The following CFDP1 variants were observed in gnomAD, a reference collection of about 807,000 sequenced individuals.
CFDP1 encodes the protein chromatin remodeling protein CFDP1.
Under a neutral mutation model 40.1 loss-of-function variants are expected in CFDP1, and 31 were observed. The observed-to-expected ratio is 0.77, with a 90% CI of 0.58 to 1.04. CFDP1 has a LOEUF of 1.04. Ranked by LOEUF, CFDP1 falls within the 50% of genes least tolerant of loss-of-function variation. The probability of loss-of-function intolerance (pLI) is 0.00; values close to 1 mark genes in which losing one functional copy is unlikely to be tolerated. For missense variants in CFDP1, 423 were observed against 343.4 expected, an observed-to-expected ratio of 1.23 and a Z score of -1.83; for synonymous variants, 167 against 120.0, an observed-to-expected ratio of 1.39 and a Z score of -2.56.
intron 5 of CFDP1, among the ~76,000 whole-genome samples, chr16:75,335,302 ATAACTT>A (rs2078478872): frequency 6.6e-6 from 1 of 152,200 alleles, no homozygotes; most frequent in African/African-American, 2.4e-5. Context: ...AGGGGGAAAA[ATAACTT>A]AAACCTTTAT....
intron 5 of CFDP1, among the ~76,000 whole-genome samples, chr16:75,370,697 T>C (rs1282924101): frequency 2.6e-5 from 4 of 152,002 alleles, no homozygotes; most frequent in Non-Finnish European, 5.9e-5. Context: ...ACCCCGTCTC[T>C]ACTAAACATA....
At chr16:75,370,788 G>A (rs1226648817) in intron 5 of CFDP1, among the ~76,000 whole-genome samples, 2 of 152,152 alleles carry the variant, frequency 1.3e-5, no homozygotes, top group Admixed American at 1.3e-4. Context: ...CTTGAACCCA[G>A]CAGGCAGAGG....
intron 5 of CFDP1, 104 bp downstream of exon 5, chr16:75,394,981 TAATTC>T (rs2078984028): frequency 5.2e-6 from 7 of 1,339,836 alleles, no homozygotes; most frequent in Non-Finnish European, 6.2e-6. Context: ...AGCAGCATCA[TAATTC>T]TCTCTCTCAG....
At chr16:75,350,633 A>T (rs537005312) in intron 5 of CFDP1, among the ~76,000 whole-genome samples, 37 of 152,344 alleles carry the variant, frequency 2.4e-4, no homozygotes, top group African/African-American at 8.9e-4. Flanking sequence ...ACATATAAGC[A>T]TAAGACTATT....
At chr16:75,312,712 G>A (rs1333817365) in intron 5 of CFDP1, among the ~76,000 whole-genome samples, 2 of 152,230 alleles carry the variant, frequency 1.3e-5, no homozygotes, top group Non-Finnish European at 2.9e-5. Flanking sequence ...GGTGTGTTTT[G>A]CCCTGTTCTG....
In CFDP1 at chr16:75,433,278, G is replaced by A. The variant is rs796666732; in HGVS notation, c.64+11C>T. The A allele has an allele frequency of 6.3e-7, 1 of 1,594,498 alleles. No homozygotes were observed. The highest frequency in any genetic ancestry group is 8.5e-7 in the Non-Finnish European group (1 of 1,172,596). On this transcript the variant is annotated intron_variant, in intron 1 of 6. Coordinates refer to ENST00000283882, the MANE Select transcript of CFDP1 (RefSeq NM_006324.3). ...GGCAATTCGCTTCTCGCCTCAGGCG[G>A]AATCGCTCACCCGACGGCACGTAGT...
chr16:75,426,126 G>A (rs1418384333), intron 1 of CFDP1, among the ~76,000 whole-genome samples: 1 of 149,152 alleles, frequency 6.7e-6, no homozygotes, highest in Non-Finnish European at 1.5e-5. Flanking sequence ...CGAGGTGGGC[G>A]GATCACCTGA....
At chr16:75,423,206 G>A (rs551928602) in intron 1 of CFDP1, among the ~76,000 whole-genome samples, 2 of 150,004 alleles carry the variant, frequency 1.3e-5, no homozygotes, top group East Asian at 2.0e-4. Flanking sequence ...GCGTGAACCC[G>A]GGAGGCAGGG....
intron 5 of CFDP1, among the ~76,000 whole-genome samples, chr16:75,371,175 A>C (rs1164641150): frequency 6.6e-6 from 1 of 152,336 alleles, no homozygotes. Context: ...TTTGTACCGC[A>C]GGATGTTTAG....
At chr16:75,414,720 A>G (rs1036135717) in intron 1 of CFDP1, 25 bp from the exon 2 acceptor site, 3 of 1,446,052 alleles carry the variant, frequency 2.1e-6, no homozygotes, top group East Asian at 4.5e-5. Flanking sequence ...CAGGGTGATC[A>G]GACAGGAATA....
chr16:75,390,546 G>T (rs1471959446), intron 5 of CFDP1, among the ~76,000 whole-genome samples: 2 of 152,118 alleles, frequency 1.3e-5, no homozygotes, highest in Non-Finnish European at 1.5e-5. Context: ...GCTGTATTCG[G>T]AGTTGAGCAC....
At chr16:75,340,233 C>T (rs973213456) in intron 5 of CFDP1, among the ~76,000 whole-genome samples, 5 of 152,186 alleles carry the variant, frequency 3.3e-5, no homozygotes, top group African/African-American at 1.2e-4. Flanking sequence ...GTATCGACAA[C>T]AACCCTGGAG....
chr16:75,341,329 C>A (rs2078525207), intron 5 of CFDP1, among the ~76,000 whole-genome samples: 1 of 152,164 alleles, frequency 6.6e-6, no homozygotes, highest in South Asian at 2.1e-4. Flanking sequence ...ACCTACTATT[C>A]CTAGTCCACA....
At chr16:75,300,378 C>T (rs1597316812) in intron 6 of CFDP1, among the ~76,000 whole-genome samples, 1 of 152,234 alleles carries the variant, frequency 6.6e-6, no homozygotes. Context: ...ACCTCCGCCT[C>T]CCGGGTTCAA....
intron 5 of CFDP1, among the ~76,000 whole-genome samples, chr16:75,388,814 T>C (rs1450253219): frequency 2.6e-5 from 4 of 152,192 alleles, no homozygotes; most frequent in African/African-American, 9.7e-5. Flanking sequence ...TCTGAGTCTT[T>C]TATCTTCAGG....
chr16:75,319,840 G>A (rs910427464), intron 5 of CFDP1, among the ~76,000 whole-genome samples: 7 of 152,178 alleles, frequency 4.6e-5, no homozygotes, highest in African/African-American at 1.7e-4. Flanking sequence ...GGTTACTTAA[G>A]CATGAGCCCT....
chr16:75,425,246 G>T (rs780665760), intron 1 of CFDP1, among the ~76,000 whole-genome samples: 1 of 151,950 alleles, frequency 6.6e-6, no homozygotes, highest in Admixed American at 6.6e-5. Context: ...TGGTGGCCAG[G>T]CCTGGTGGCA....
intron 2 of CFDP1, among the ~76,000 whole-genome samples, chr16:75,413,337 G>A (rs1467934738): frequency 2.6e-5 from 4 of 152,076 alleles, no homozygotes; most frequent in South Asian, 4.1e-4. Flanking sequence ...GGGAGGCCAA[G>A]GCCCACACAG....
chr16:75,385,529 T>C (rs1274689537), intron 5 of CFDP1, among the ~76,000 whole-genome samples: 6 of 136,418 alleles, frequency 4.4e-5, no homozygotes, highest in East Asian at 2.1e-4. Flanking sequence ...CTAAGCACAA[T>C]AGTAGAGTTG....
Sources: gnomAD v4.1 joint callset for allele counts (sites outside exome capture counted in the v4.1 genomes callset) on GRCh38, gnomAD v4.1.1 for gene constraint, MANE v1.5 for transcripts, NCBI Gene and HGNC (gene_info 2026-07-23, HGNC 2026-07-21) for gene names.